RGS8: variants seen among roughly 807,000 people sequenced by gnomAD.
The protein encoded by RGS8 is regulator of G-protein signaling 8.
Under a neutral mutation model 21.7 loss-of-function variants are expected in RGS8, and 8 were observed. The ratio of observed to expected loss-of-function variants is 0.37; its 90% CI spans 0.22 to 0.66. The LOEUF (loss-of-function observed/expected upper bound fraction) is 0.66, where lower values mean the gene tolerates loss of function less well. Among genes scored for constraint, RGS8 ranks in the 30% least tolerant of loss-of-function variants. The pLI, the probability that RGS8 is intolerant of heterozygous loss-of-function variation, is 0.59. For missense variants in RGS8, 157 were observed against 217.9 expected (o/e 0.72, Z 1.76); for synonymous variants, 80 against 83.6 (o/e 0.96, Z 0.24).
At chr1:182,646,981 C>T (rs1662733150) in intron 6 of RGS8, 64 bp from the exon 8 acceptor site, 2 of 1,338,746 alleles carry the variant, frequency 1.5e-6, no homozygotes, top group South Asian at 2.7e-5. Flanking sequence ...GGCAGCTGGC[C>T]CTAACTATGC....
upstream of RGS8, among the ~76,000 whole-genome samples, chr1:182,685,909 G>A (rs1260457130): frequency 6.6e-6 from 1 of 152,188 alleles, no homozygotes; most frequent in African/African-American, 2.4e-5. Flanking sequence ...GGAGGAGAGA[G>A]AGATTTAAAT....
At chr1:182,677,400 C>T (rs1664400517), upstream of RGS8, among the ~76,000 whole-genome samples, 1 of 152,170 alleles carries the variant, frequency 6.6e-6, no homozygotes, top group Admixed American at 6.5e-5. Flanking sequence ...TATATTTTAT[C>T]ATCTGTAAAA....
the RGS8 span, among the ~76,000 whole-genome samples, chr1:182,738,924 G>A: frequency 5.9e-5 from 9 of 152,180 alleles, no homozygotes; most frequent in Non-Finnish European, 1.2e-4. Context: ...CGATGGTAAG[G>A]ACATTGAAAG....
chr1:182,678,165 T>C (rs563558926), intron 1 of RGS8, among the ~76,000 whole-genome samples: 3 of 152,232 alleles, frequency 2.0e-5, no homozygotes, highest in Non-Finnish European at 4.4e-5. Flanking sequence ...GAAATATTTA[T>C]AGTTGAAATG....
At chr1:182,748,769 CT>C in the RGS8 span, among the ~76,000 whole-genome samples, 1 of 152,062 alleles carries the variant, frequency 6.6e-6, no homozygotes, top group East Asian at 1.9e-4. Flanking sequence ...AGCACTTGTT[CT>C]GTTTTGTCTT....
At chr1:182,731,205 A>C in the RGS8 span, among the ~76,000 whole-genome samples, 1 of 152,198 alleles carries the variant, frequency 6.6e-6, no homozygotes, top group Non-Finnish European at 1.5e-5. Context: ...GTTGCTGGAG[A>C]ATCTAGATAG....
chr1:182,675,720 C>T (rs1557900703), upstream of RGS8, among the ~76,000 whole-genome samples: 1 of 152,154 alleles, frequency 6.6e-6, no homozygotes, highest in East Asian at 1.9e-4. Flanking sequence ...CCTTTCCAAA[C>T]CTTTTTCAGA....
rs184236203 is a variant in RGS8 at position 182,649,981 on chromosome 1, G to A, written c.194-1678C>T. 1.9e-4 allele frequency among the ~76,000 whole-genome samples: 28 copies of A among 149,760 alleles called. No individual in the cohort carries two copies. In the East Asian group the frequency reaches 5.1e-3, roughly 27 times the overall value. ...CGCTGGAGTGCAGTGGCACAGTTCC[G>A]ACTCACTGCAACCTGTGCCTCCCGG... On this transcript the variant is annotated intron_variant, in intron 5 of 6. Transcript: ENST00000483095.
At chr1:182,670,995 G>A (rs968222755) in intron 2 of RGS8, among the ~76,000 whole-genome samples, 6 of 152,098 alleles carry the variant, frequency 3.9e-5, no homozygotes, top group African/African-American at 1.4e-4. Flanking sequence ...ACTCATGCAG[G>A]GACCTTTATT....
intron 3 of RGS8, among the ~76,000 whole-genome samples, chr1:182,667,880 C>T (rs143620454): frequency 6.6e-5 from 10 of 151,636 alleles, no homozygotes; most frequent in African/African-American, 2.4e-4. Context: ...AACGGTCTTG[C>T]TATATTACCC....
intron 5 of RGS8, among the ~76,000 whole-genome samples, chr1:182,655,415 C>T (rs1466808781): frequency 6.6e-6 from 1 of 152,170 alleles, no homozygotes; most frequent in African/African-American, 2.4e-5. Context: ...CATATGTCAA[C>T]ATAGAAACAG....
the RGS8 span, among the ~76,000 whole-genome samples, chr1:182,737,515 G>A: frequency 2.6e-5 from 4 of 151,950 alleles, no homozygotes; most frequent in Middle Eastern, 3.2e-3. Context: ...TAAGTCTTAC[G>A]AGATCTGATG....
rs184366496 is a variant in RGS8, at chr1:182,650,086, A to G, written c.194-1783T>C. Reference sequence around the variant, plus strand: ...GCCACTACGCCTCGCTAATTTTTGTACTTTTAATAGAGACAGGGTTTCACC... The same window carrying G: ...GCCACTACGCCTCGCTAATTTTTGTGCTTTTAATAGAGACAGGGTTTCACC... On this transcript the variant is annotated intron_variant, in intron 5 of 6. Coordinates refer to ENST00000483095, the Ensembl canonical transcript of RGS8. Among the ~76,000 whole-genome samples the G allele has an allele frequency of 1.9e-4, 29 of 149,428 alleles. No individual in the cohort carries two copies. In the East Asian group the frequency reaches 5.2e-3, roughly 27 times the overall value.
At chr1:182,647,053 AT>A in intron 6 of RGS8, 136 bp from the exon 8 acceptor site, 1 of 733,200 alleles carries the variant, frequency 1.4e-6, no homozygotes, top group Non-Finnish European at 2.2e-6. Flanking sequence ...AATTGCTTCC[AT>A]GGAGGTCATC....
chr1:182,713,641 G>A, the RGS8 span, among the ~76,000 whole-genome samples: 6 of 151,984 alleles, frequency 3.9e-5, no homozygotes, highest in Admixed American at 3.9e-4. Flanking sequence ...CACTTTCCTG[G>A]TTCACCTCTC....
the RGS8 span, among the ~76,000 whole-genome samples, chr1:182,709,006 C>T: frequency 0.013 from 1,991 of 152,290 alleles, 42 homozygotes; most frequent in African/African-American, 0.046. Flanking sequence ...GACGAAAGCG[C>T]CTTTTCCCAT....
chr1:182,676,185 G>A (rs1664347907), upstream of RGS8, among the ~76,000 whole-genome samples: 1 of 152,176 alleles, frequency 6.6e-6, no homozygotes, highest in African/African-American at 2.4e-5. Flanking sequence ...TGTCACACAG[G>A]CCATGAGAAT....
chr1:182,688,843 AG>A (rs1472040826), upstream of RGS8, among the ~76,000 whole-genome samples: 1 of 152,206 alleles, frequency 6.6e-6, no homozygotes, highest in African/African-American at 2.4e-5. Flanking sequence ...TGTAATCACA[AG>A]GAATTGAATG....
chr1:182,690,632 T>C, the RGS8 span, among the ~76,000 whole-genome samples: 1 of 152,344 alleles, frequency 6.6e-6, no homozygotes, highest in African/African-American at 2.4e-5. Context: ...CTGTGCTTCA[T>C]TTATACTTCT....
Sources: gnomAD v4.1 joint callset for allele counts (sites outside exome capture counted in the v4.1 genomes callset) on GRCh38, gnomAD v4.1.1 for gene constraint, MANE v1.5 for transcripts, NCBI Gene and HGNC (gene_info 2026-07-23, HGNC 2026-07-21) for gene names.